Variants in ZNF346 observed in about 807,000 individuals in gnomAD.
ZNF346 encodes zinc finger protein 346.
A neutral mutation model predicts 33.7 loss-of-function variants in ZNF346; 23 were observed. The ratio of observed to expected loss-of-function variants is 0.68; its 90% CI spans 0.49 to 0.97. ZNF346 has a LOEUF of 0.97. Ranked by LOEUF, ZNF346 falls within the 50% of genes least tolerant of loss-of-function variation. The pLI is 0.00. For synonymous variants in ZNF346, 134 were observed against 142.4 expected (o/e 0.94, Z 0.42); for missense variants, 340 against 371.1 (o/e 0.92, Z 0.69).
intron 1 of ZNF346, among the ~76,000 whole-genome samples, chr5:177,038,859 CTTTT>C (rs376386769): frequency 1.1e-4 from 15 of 140,842 alleles, no homozygotes; most frequent in Admixed American, 5.9e-4. Context: ...TTTTTTTCTT[CTTTT>C]TTCTTCTTCT....
At chr5:177,038,101 T>C (rs1256502423) in intron 1 of ZNF346, among the ~76,000 whole-genome samples, 1 of 137,714 alleles carries the variant, frequency 7.3e-6, no homozygotes, top group Non-Finnish European at 1.5e-5. Flanking sequence ...TTTTTTTAAA[T>C]TTTCAGAGTC....
intron 1 of ZNF346, among the ~76,000 whole-genome samples, chr5:177,028,447 A>G (rs923499744): frequency 7.1e-6 from 1 of 140,926 alleles, no homozygotes; most frequent in African/African-American, 2.7e-5. Context: ...TTCTTTTCTG[A>G]TGTAGATGTT....
At chr5:177,038,876 T>A (rs567509010) in intron 1 of ZNF346, among the ~76,000 whole-genome samples, 4 of 135,358 alleles carry the variant, frequency 3.0e-5, no homozygotes, top group Non-Finnish European at 6.3e-5. Flanking sequence ...CTTCTTCTTC[T>A]TGTGTGTGTG....
chr5:177,052,397 G>A (rs1781071894), intron 5 of ZNF346: 1 of 151,498 alleles, frequency 6.6e-6, no homozygotes, highest in Admixed American at 6.6e-5. Context: ...TGGCCAGGTT[G>A]GTCTCGAACT....
intron 1 of ZNF346, among the ~76,000 whole-genome samples, chr5:177,024,656 TGCAGTCTA>T (rs1581764762): frequency 1.3e-5 from 2 of 152,220 alleles, no homozygotes; most frequent in African/African-American, 4.8e-5. Flanking sequence ...TGGAAAGGCT[TGCAGTCTA>T]GTCCAGGAAG....
chr5:177,039,628 GT>G (rs934745223), intron 1 of ZNF346, among the ~76,000 whole-genome samples: 1 of 152,038 alleles, frequency 6.6e-6, no homozygotes, highest in Non-Finnish European at 1.5e-5. Context: ...CCCCCGGCTA[GT>G]TTTTGGTTTG....
intron 8 of ZNF346, among the ~76,000 whole-genome samples, chr5:177,078,340 C>T (rs575362750): frequency 1.3e-5 from 2 of 152,294 alleles, no homozygotes; most frequent in Admixed American, 1.3e-4. Flanking sequence ...AGAGGCTCTA[C>T]CTGGAGCTCA....
intron 5 of ZNF346, among the ~76,000 whole-genome samples, chr5:177,055,051 T>G (rs1781484837): frequency 1.3e-5 from 2 of 150,158 alleles, no homozygotes; most frequent in African/African-American, 5.0e-5. Context: ...TTTTTTTTTT[T>G]GAGACAGAGT....
intron 1 of ZNF346, among the ~76,000 whole-genome samples, chr5:177,030,131 AAT>A (rs1777457509): frequency 6.6e-6 from 1 of 152,192 alleles, no homozygotes; most frequent in Non-Finnish European, 1.5e-5. Flanking sequence ...GCAACTCATA[AAT>A]TTTTGAATGT....
intron 1 of ZNF346, among the ~76,000 whole-genome samples, chr5:177,025,997 A>AT (rs35918647): frequency 4.0e-5 from 6 of 148,196 alleles, no homozygotes; most frequent in South Asian, 2.1e-4. Flanking sequence ...TATTATTATT[A>AT]TTTTTTTTTT....
At chr5:177,071,845 T>C (rs530423138), downstream of ZNF346, among the ~76,000 whole-genome samples, 96 of 152,254 alleles carry the variant, frequency 6.3e-4, no homozygotes, top group Non-Finnish European at 1.2e-3. Context: ...TCCATCCACC[T>C]AACCTCACCT....
At chr5:177,060,727 G>C (rs1782397466) in intron 5 of ZNF346, among the ~76,000 whole-genome samples, 1 of 152,016 alleles carries the variant, frequency 6.6e-6, no homozygotes, top group South Asian at 2.1e-4. Flanking sequence ...AGAATCGCTT[G>C]AACCTGGGAG....
In ZNF346 at chr5:177,041,888, T is replaced by C. The variant is rs1581853315; in HGVS notation, c.372+18T>C. 1.4e-5 allele frequency: 21 copies of C among 1,541,742 alleles called. No homozygotes were observed. In the East Asian group the frequency reaches 3.6e-4, roughly 27 times the overall value. The stretch of plus-strand genomic sequence containing the variant: ...CAGATCAGGTAATACAGCTGCCATA[T>C]TGAGCCCACTTGCTTCATGATGAAG... On this transcript the variant is annotated intron_variant, in intron 3 of 6. Coordinates refer to ENST00000358149, the MANE Select transcript of ZNF346 (RefSeq NM_012279.4).
chr5:177,051,426 C>T (rs1780874819), intron 5 of ZNF346, among the ~76,000 whole-genome samples: 1 of 151,938 alleles, frequency 6.6e-6, no homozygotes, highest in African/African-American at 2.4e-5. Context: ...CCGCCCACCT[C>T]GGCCTCCCAA....
Position 177,044,495 on chromosome 5 carries a change from A to G in ZNF346, c.479A>G (p.Lys160Arg). The change falls in exon 4 of 7, where the codon AAG (lysine) becomes AGG (arginine). Residue 160 changes from lysine (K) to arginine (R), a missense_variant. Coordinates refer to ENST00000358149, the MANE Select transcript of ZNF346 (RefSeq NM_012279.4). Reference sequence around the variant, plus strand: ...CACTACCTGGGGAAGACCCACGCAAAGAACTTAAAGCTGAAGCAGCAGTCC... The same window carrying G: ...CACTACCTGGGGAAGACCCACGCAAGGAACTTAAAGCTGAAGCAGCAGTCC... ...QSHYLGKTHA[K>R]NLKLKQQSTK... is the part of the protein sequence containing the mutation. The G allele has an allele frequency of 6.2e-7, 1 of 1,614,026 alleles. No individual in the cohort carries two copies. Among genetic ancestry groups the G allele is most frequent in the Non-Finnish European group, 8.5e-7 (1 of 1,180,008 alleles).
In ZNF346 at chr5:177,050,815, C is replaced by G. The variant is rs749326129; in HGVS notation, c.582C>G (p.Phe194Leu). ...DKFCSLCHATFNDPVMAQQHY... is the reference protein window; with the variant it reads ...DKFCSLCHATLNDPVMAQQHY... ...TCTGCAGCCTCTGCCATGCAACTTT[C>G]AACGACCCTGTCATGGCTCAACAAC... The change falls in exon 5 of 7, where the codon TTC becomes TTG. Residue 194 changes from phenylalanine (F) to leucine (L), a missense_variant. Coordinates refer to ENST00000358149, the MANE Select transcript of ZNF346 (RefSeq NM_012279.4). 8.7e-6 allele frequency: 14 copies of G among 1,614,066 alleles called. No individual in the cohort carries two copies. The highest frequency in any genetic ancestry group is 1.7e-6 in the Non-Finnish European group (2 of 1,180,020).
chr5:177,057,797 C>CTTTAT (rs369343788), intron 5 of ZNF346, among the ~76,000 whole-genome samples: 5 of 133,264 alleles, frequency 3.8e-5, no homozygotes, highest in South Asian at 2.4e-4. Flanking sequence ...CATAGATTTT[C>CTTTAT]TTATTTATTT....
intron 1 of ZNF346, among the ~76,000 whole-genome samples, chr5:177,037,843 A>T (rs1453294684): frequency 6.6e-6 from 1 of 152,156 alleles, no homozygotes; most frequent in Non-Finnish European, 1.5e-5. Flanking sequence ...CGTAGTTCAT[A>T]CTGTGGCTTA....
chr5:177,028,707 C>CTTTT (rs56172509), intron 1 of ZNF346, among the ~76,000 whole-genome samples: 14 of 67,396 alleles, frequency 2.1e-4, no homozygotes, highest in Non-Finnish European at 2.4e-4. Context: ...AAGCCCCTTT[C>CTTTT]TTTTTTTTTT....
Sources: gnomAD v4.1 joint callset for allele counts (sites outside exome capture counted in the v4.1 genomes callset) on GRCh38, gnomAD v4.1.1 for gene constraint, MANE v1.5 for transcripts, NCBI Gene and HGNC (gene_info 2026-07-23, HGNC 2026-07-21) for gene names.